MCC: variants seen among roughly 807,000 people sequenced by gnomAD.
MCC encodes the protein MCC regulator of Wnt signaling pathway, also known as colorectal mutant cancer protein.
Under a neutral mutation model 116.2 loss-of-function variants are expected in MCC, and 90 were observed. The observed-to-expected ratio is 0.77, with a 90% confidence interval of 0.65 to 0.92. MCC has a LOEUF of 0.92. MCC is among the 40% of genes least tolerant of loss of function. The pLI is 0.00. For missense variants in MCC, 1,516 were observed against 1,312.2 expected, an observed-to-expected ratio of 1.16 and a Z score of -2.40; for synonymous variants, 578 against 510.5, an observed-to-expected ratio of 1.13 and a Z score of -1.78.
chr5:113,293,595 A>T (rs1766594304), intron 3 of MCC, among the ~76,000 whole-genome samples: 1 of 152,150 alleles, frequency 6.6e-6, no homozygotes, highest in African/African-American at 2.4e-5. Context: ...ATGAAAAAAG[A>T]TGGCTTTGGG....
Position 113,340,583 on chromosome 5 carries a change from A to G in MCC, c.563T>C (p.Leu188Pro). ...SLHQQAALHK[L>P]LTQSPHIGNS... ...GCCAATGTGCGGGGACTGTGTGAGC[A>G]GTTTGTGGAGAGCAGCCTGCTGATG... Residue 188 changes from leucine (L) to proline (P), a missense_variant, in exon 3 of 19, where the codon CTG becomes CCG. Transcript: ENST00000408903. 3.1e-6 allele frequency: 5 copies of G among 1,614,154 alleles called. No individual in the cohort carries two copies. The highest frequency in any genetic ancestry group is 4.2e-6 in the Non-Finnish European group (5 of 1,180,016).
At chr5:113,368,459 C>G (rs959133540) in intron 2 of MCC, among the ~76,000 whole-genome samples, 2 of 152,268 alleles carry the variant, frequency 1.3e-5, no homozygotes, top group Middle Eastern at 6.8e-3. Context: ...ATTATCTGAA[C>G]GGTGAACATC....
intron 3 of MCC, among the ~76,000 whole-genome samples, chr5:113,278,395 A>C (rs17325307): frequency 0.13 from 19,577 of 152,258 alleles, 1,389 homozygotes; most frequent in Non-Finnish European, 0.17. Flanking sequence ...AATAACAGCC[A>C]TTGTGGTACG....
chr5:113,488,255 A>G lies in MCC; in HGVS notation c.160T>C (p.Tyr54His). Residue 54 changes from tyrosine (Y) to histidine (H), a missense_variant, in exon 1 of 19, where the codon TAC becomes CAC. Tyr to His is a moderately conservative substitution (Grantham distance 83). Coordinates refer to ENST00000408903, the MANE Select transcript of MCC (RefSeq NM_001085377.2). ...TACCTCCCCGCGTACCTGCTGATGT[A>G]TCCGTCCCCGTCGCCGTCGCACGTC... ...FQTCDGDGDGYISRNDLLMVC... is the reference protein window; with the variant it reads ...FQTCDGDGDGHISRNDLLMVC... 2 of 1,594,790 alleles carry G rather than the reference A, an allele frequency of 1.3e-6. No individual in the cohort carries two copies. Among genetic ancestry groups the G allele is most frequent in the Non-Finnish European group, 1.7e-6 (2 of 1,171,482 alleles).
chr5:113,036,900 T>C (rs970872063), intron 17 of MCC, among the ~76,000 whole-genome samples: 2 of 152,236 alleles, frequency 1.3e-5, no homozygotes, highest in East Asian at 1.9e-4. Context: ...AGCAGTTTAT[T>C]TGCGTGCTAA....
chr5:113,263,149 G>A (rs192734671), intron 3 of MCC, among the ~76,000 whole-genome samples: 1 of 152,290 alleles, frequency 6.6e-6, no homozygotes, highest in East Asian at 1.9e-4. Flanking sequence ...ATAAGCAGGA[G>A]AGTGCTGTTG....
At chr5:113,117,942 C>T (rs1757488361) in intron 6 of MCC, among the ~76,000 whole-genome samples, 1 of 152,234 alleles carries the variant, frequency 6.6e-6, no homozygotes. Context: ...CCTCAAAGGA[C>T]TGCAGTAAGC....
At position 113,027,286 on chromosome 5, in the gene MCC, G is replaced by T. The variant is rs191547853; in HGVS notation, c.*16C>A. On this transcript the variant is annotated 3_prime_UTR_variant, in exon 19 of 19. Transcript: ENST00000408903. Reference sequence around the variant, plus strand: ...GTTTACTTCCCATGGGCAGAACTCCGGTGCGTGAGTGCTGATTAAAGCGAA... The same window carrying T: ...GTTTACTTCCCATGGGCAGAACTCCTGTGCGTGAGTGCTGATTAAAGCGAA... 2 of 1,612,858 alleles carry T rather than the reference G, an allele frequency of 1.2e-6. No individual in the cohort carries two copies. The highest frequency in any genetic ancestry group is 8.5e-7 in the Non-Finnish European group (1 of 1,179,218).
chr5:113,077,619 A>T (rs533293393), intron 11 of MCC, among the ~76,000 whole-genome samples: 11 of 152,240 alleles, frequency 7.2e-5, no homozygotes, highest in Non-Finnish European at 1.5e-4. Flanking sequence ...GAGAACAAAG[A>T]CAAAACATAC....
intron 8 of MCC, among the ~76,000 whole-genome samples, chr5:113,089,279 A>G (rs556209245): frequency 3.3e-5 from 5 of 152,350 alleles, no homozygotes; most frequent in South Asian, 4.1e-4. Context: ...CTAGAACTCA[A>G]TCTTGAAGGC....
At chr5:113,143,584 C>T (rs1331457143) in intron 4 of MCC, among the ~76,000 whole-genome samples, 1 of 152,216 alleles carries the variant, frequency 6.6e-6, no homozygotes, top group Non-Finnish European at 1.5e-5. Flanking sequence ...AGCACTCCAT[C>T]TCTCTTTGGG....
intron 3 of MCC, among the ~76,000 whole-genome samples, chr5:113,326,859 T>C (rs1248846500): frequency 2.6e-5 from 4 of 152,218 alleles, no homozygotes; most frequent in African/African-American, 9.7e-5. Flanking sequence ...TCAGATTCTG[T>C]CAATAAGGTC....
At chr5:113,044,448 C>T (rs1751934387) in intron 16 of MCC, 2 of 975,768 alleles carry the variant, frequency 2.0e-6, no homozygotes, top group Non-Finnish European at 2.4e-6. Context: ...AGCCACACTA[C>T]ATAGTACCAT....
intron 8 of MCC, among the ~76,000 whole-genome samples, chr5:113,094,851 G>A (rs1334115996): frequency 1.3e-5 from 2 of 152,168 alleles, no homozygotes; most frequent in African/African-American, 4.8e-5. Flanking sequence ...AAATACTGGT[G>A]CCCACAGCAG....
At chr5:113,309,757 T>C (rs938557071) in intron 3 of MCC, among the ~76,000 whole-genome samples, 1 of 152,196 alleles carries the variant, frequency 6.6e-6, no homozygotes, top group Admixed American at 6.5e-5. Context: ...TATCTGGGTA[T>C]TGCTGTATCA....
At chr5:113,174,154 G>GAGATTT (rs1761207912) in intron 3 of MCC, among the ~76,000 whole-genome samples, 1 of 152,196 alleles carries the variant, frequency 6.6e-6, no homozygotes, top group Non-Finnish European at 1.5e-5. Flanking sequence ...AATGCTAAGA[G>GAGATTT]AGATTTAGGA....
chr5:113,084,342 G>C (rs1755056570), intron 9 of MCC, 152 bp from the exon 10 acceptor site: 2 of 637,200 alleles, frequency 3.1e-6, no homozygotes, highest in South Asian at 1.9e-5. Context: ...TCTACCACCA[G>C]CTTAAGCCAG....
chr5:113,463,192 G>C (rs1580408649), intron 1 of MCC, among the ~76,000 whole-genome samples: 1 of 152,142 alleles, frequency 6.6e-6, no homozygotes, highest in Non-Finnish European at 1.5e-5. Flanking sequence ...CTAGAGGAGA[G>C]AGGGCAAGAT....
At chr5:113,486,612 G>A (rs1396763184) in intron 1 of MCC, among the ~76,000 whole-genome samples, 1 of 152,162 alleles carries the variant, frequency 6.6e-6, no homozygotes, top group Non-Finnish European at 1.5e-5. Context: ...CTAAGGCCGA[G>A]GCGGGCGGAT....
Sources: gnomAD v4.1 joint callset for allele counts (sites outside exome capture counted in the v4.1 genomes callset) on GRCh38, gnomAD v4.1.1 for gene constraint, MANE v1.5 for transcripts, NCBI Gene and HGNC (gene_info 2026-07-23, HGNC 2026-07-21) for gene names.